The following TRAM2 variants were observed in gnomAD, a reference collection of about 807,000 sequenced individuals.
TRAM2 encodes the protein translocating chain-associated membrane protein 2.
TRAM2 carries 12 observed loss-of-function variants against 51.0 expected under a neutral mutation model. The ratio of observed to expected loss-of-function variants is 0.24; its 90% CI spans 0.15 to 0.38. The LOEUF (loss-of-function observed/expected upper bound fraction) is 0.38, where lower values mean the gene tolerates loss of function less well. Among genes scored for constraint, TRAM2 ranks in the 10% least tolerant of loss-of-function variants. The pLI is 1.00. For synonymous variants in TRAM2, 175 were observed against 179.4 expected (o/e 0.98, Z 0.20); for missense variants, 361 against 462.0 (o/e 0.78, Z 2.00).
At chr6:52,545,277 C>CA (rs1767178996) in intron 1 of TRAM2, among the ~76,000 whole-genome samples, 1 of 152,184 alleles carries the variant, frequency 6.6e-6, no homozygotes, top group African/African-American at 2.4e-5. Context: ...GCTCAATGTG[C>CA]AAAACCCCAC....
intron 1 of TRAM2, among the ~76,000 whole-genome samples, chr6:52,572,279 G>A (rs1581705722): frequency 6.6e-6 from 1 of 152,310 alleles, no homozygotes; most frequent in Middle Eastern, 3.4e-3. Context: ...AGAAAAGCTG[G>A]CAAAGGAACT....
At chr6:52,541,849 G>A (rs1208533581) in intron 1 of TRAM2, among the ~76,000 whole-genome samples, 1 of 144,528 alleles carries the variant, frequency 6.9e-6, no homozygotes, top group African/African-American at 2.6e-5. Context: ...GCACTTGGAA[G>A]GGGCTGTGTG....
At chr6:52,521,802 C>T (rs1416732182) in intron 2 of TRAM2, among the ~76,000 whole-genome samples, 1 of 151,998 alleles carries the variant, frequency 6.6e-6, no homozygotes, top group Non-Finnish European at 1.5e-5. Flanking sequence ...GTTAGAGCTC[C>T]CACTTCTCAT....
At chr6:52,534,084 CAAA>C (rs34466348) in intron 2 of TRAM2, among the ~76,000 whole-genome samples, 10 of 132,236 alleles carry the variant, frequency 7.6e-5, no homozygotes, top group Non-Finnish European at 8.1e-5. Flanking sequence ...AAACTCCGTC[CAAA>C]AAAAAAAAAA....
chr6:52,555,782 A>G (rs1185551661), intron 1 of TRAM2, among the ~76,000 whole-genome samples: 1 of 152,240 alleles, frequency 6.6e-6, no homozygotes, highest in Non-Finnish European at 1.5e-5. Context: ...TGGGAAAAAA[A>G]TCAGAATTCA....
intron 2 of TRAM2, 72 bp downstream of exon 2, chr6:52,535,711 G>T: frequency 7.2e-7 from 1 of 1,394,838 alleles, no homozygotes; most frequent in Non-Finnish European, 1.0e-6. Flanking sequence ...GTACACAGAT[G>T]GGGAAAAGGA....
intron 1 of TRAM2, among the ~76,000 whole-genome samples, chr6:52,558,590 C>T (rs900598826): frequency 6.6e-6 from 1 of 152,152 alleles, no homozygotes; most frequent in Non-Finnish European, 1.5e-5. Context: ...ACAATAGTGA[C>T]ACTATTACAG....
chr6:52,505,448 T>G (rs1283352325), intron 9 of TRAM2, 151 bp downstream of exon 9: 1 of 1,099,668 alleles, frequency 9.1e-7, no homozygotes, highest in Admixed American at 2.6e-5. Flanking sequence ...GGCTGCTATC[T>G]CTTCTCCCCT....
chr6:52,512,037 G>A (rs555514447), intron 4 of TRAM2, among the ~76,000 whole-genome samples: 8 of 152,196 alleles, frequency 5.3e-5, no homozygotes, highest in African/African-American at 1.7e-4. Flanking sequence ...TCGGGCATAC[G>A]CCTGCCTTCA....
rs143276920 is a variant in TRAM2, at chr6:52,512,833, C to A, written c.411+3173G>T. On this transcript the variant is annotated intron_variant, in intron 4 of 10. Transcript: ENST00000182527. ...ACCTTATATTATTTGACCATCAGAACAACCATGCACTAAAAATCTGCCCTA... is the reference window on the plus strand; with the variant it reads ...ACCTTATATTATTTGACCATCAGAAAAACCATGCACTAAAAATCTGCCCTA... Among the ~76,000 whole-genome samples the A allele has an allele frequency of 3.3e-3, 502 of 152,266 alleles. 5 individuals carry two copies. Among genetic ancestry groups the A allele is most frequent in the African/African-American group, 0.012 (479 of 41,548 alleles).
At chr6:52,505,232 C>G (rs1442186260) in intron 9 of TRAM2, among the ~76,000 whole-genome samples, 2 of 152,228 alleles carry the variant, frequency 1.3e-5, no homozygotes, top group Non-Finnish European at 2.9e-5. Context: ...GGCTTCCTCA[C>G]TGCCACAGGA....
intron 2 of TRAM2, among the ~76,000 whole-genome samples, chr6:52,534,770 G>C (rs1236360827): frequency 2.0e-5 from 3 of 152,202 alleles, no homozygotes; most frequent in Non-Finnish European, 4.4e-5. Flanking sequence ...GGCTGGAAGT[G>C]AGCAGCAGCT....
chr6:52,550,540 T>C (rs1242272020), intron 1 of TRAM2, among the ~76,000 whole-genome samples: 1 of 152,064 alleles, frequency 6.6e-6, no homozygotes, highest in Non-Finnish European at 1.5e-5. Flanking sequence ...AATGGGACAC[T>C]ATTTTTATTT....
Position 52,522,858 on chromosome 6 carries a change from T to C in TRAM2, c.185-6121A>G, listed in dbSNP as rs923473732. 1.3e-5 allele frequency: 9 copies of C among 701,222 alleles called. No homozygotes were observed. The East Asian group carries it at 1.3e-4, about 10-fold the overall frequency. 43.4% of individuals were successfully genotyped at this position (701,222 alleles called of 1,614,324 possible). A position where few individuals can be genotyped will look rare whatever the true frequency, so the allele number is the denominator to read the frequency against. On this transcript the variant is annotated intron_variant, in intron 2 of 10. Transcript: ENST00000182527. ...CTCCTGCTCCGTTTCCTATGACTAA[T>C]AGATATTTTCCTGTTTCCTTCTGAG...
intron 2 of TRAM2, among the ~76,000 whole-genome samples, chr6:52,521,126 T>A (rs1766664551): frequency 6.6e-6 from 1 of 151,776 alleles, no homozygotes; most frequent in Non-Finnish European, 1.5e-5. Flanking sequence ...GCCAGGCTGG[T>A]CTTGAACTCT....
rs1766896278 is a variant in TRAM2 at position 52,531,727 on chromosome 6, C to T, written c.184+4056G>A. ...CACTCTACTCACAACACAACACAAC[C>T]CCCACACTCAGAAACATCTTCTGTC... On this transcript the variant is annotated intron_variant, in intron 2 of 10. Transcript: ENST00000182527. Among the ~76,000 whole-genome samples the T allele has an allele frequency of 2.0e-5, 3 of 152,216 alleles. No individual in the cohort carries two copies. In the South Asian group the frequency reaches 6.2e-4, roughly 31 times the overall value.
intron 1 of TRAM2, among the ~76,000 whole-genome samples, chr6:52,569,779 C>T (rs1452349913): frequency 6.6e-6 from 1 of 152,028 alleles, no homozygotes; most frequent in Non-Finnish European, 1.5e-5. Context: ...CTCTGCATTC[C>T]CAGAGCTCAG....
intron 2 of TRAM2, 89 bp from the exon 3 acceptor site, chr6:52,516,826 C>G: frequency 2.0e-6 from 2 of 1,009,402 alleles, no homozygotes; most frequent in East Asian, 4.8e-5. Flanking sequence ...AGGCGAAATG[C>G]GCCATCAAAT....
chr6:52,561,736 G>A (rs139050780), intron 1 of TRAM2, among the ~76,000 whole-genome samples: 12,283 of 151,818 alleles, frequency 0.081, 719 homozygotes, highest in Non-Finnish European at 0.12. Context: ...TGATCCACCC[G>A]CCTCGGCCTC....
Sources: allele counts gnomAD v4.1 joint callset (sites outside exome capture counted in the v4.1 genomes callset), GRCh38; gene constraint gnomAD v4.1.1; transcripts MANE v1.5; gene names NCBI Gene and HGNC (gene_info 2026-07-23, HGNC 2026-07-21).